Variants in DNAH9 observed in about 807,000 individuals in gnomAD.
DNAH9 encodes DNAH9 variant protein.
In DNAH9, 345 loss-of-function variants were observed where a neutral mutation model predicts 471.6. The ratio of observed to expected loss-of-function variants is 0.73; its 90% CI spans 0.67 to 0.80. The LOEUF is 0.80. Among genes scored for constraint, DNAH9 ranks in the 30% least tolerant of loss-of-function variants. DNAH9 has a pLI of 0.00. For missense variants in DNAH9, 5,407 were observed against 5,609.2 expected (o/e 0.96, Z 1.15); for synonymous variants, 2,093 against 2,123.6 (o/e 0.99, Z 0.40).
At position 11,969,356 on chromosome 17, in the gene DNAH9, G is replaced by C. The variant is rs1340439304; in HGVS notation, c.13290G>C (p.Met4430Ile). 1.9e-6 allele frequency: 3 copies of C among 1,613,956 alleles called. No homozygotes were observed. The African/African-American group carries it at 4.0e-5, about 22-fold the overall frequency. The change falls in exon 69 of 69, where the codon ATG becomes ATC. Residue 4430 changes from methionine to isoleucine, a missense_variant. By Grantham distance (10) the Met-to-Ile change is conservative. Coordinates refer to ENST00000262442, the MANE Select transcript of DNAH9 (RefSeq NM_001372.4). ...LKDLTPPMPVMFIKAIPADKQ... is the reference protein window; with the variant it reads ...LKDLTPPMPVIFIKAIPADKQ... ...ATCTGACACCCCCTATGCCTGTGAT[G>C]TTCATCAAGGCCATTCCTGCAGATA...
rs772840127 is a variant in DNAH9 at position 11,752,900 on chromosome 17, G to C, written c.6678G>C (p.Leu2226=). Residue 2226 remains leucine (L), a synonymous_variant, in exon 33 of 69, where the codon CTG becomes CTC. Coordinates refer to ENST00000262442, the MANE Select transcript of DNAH9 (RefSeq NM_001372.4). The part of the protein sequence containing the change: ...ITHDGPKWIL[L]DGDIDPMWIE... ...ATGATGGGCCCAAGTGGATTTTACT[G>C]GATGGCGACATAGATCCAATGTGGA... The C allele has an allele frequency of 6.2e-7, 1 of 1,609,348 alleles. No homozygotes were observed. Among genetic ancestry groups the C allele is most frequent in the East Asian group, 2.2e-5 (1 of 44,640 alleles).
At chr17:11,752,104 C>T (rs1967178698) in intron 32 of DNAH9, among the ~76,000 whole-genome samples, 5 of 152,070 alleles carry the variant, frequency 3.3e-5, no homozygotes, top group Admixed American at 3.3e-4. Context: ...AATAAATGAA[C>T]AGACGTACCA....
chr17:11,816,216 T>C (rs1970089588), intron 45 of DNAH9, among the ~76,000 whole-genome samples: 1 of 152,212 alleles, frequency 6.6e-6, no homozygotes, highest in Admixed American at 6.5e-5. Context: ...GTGTTTGCTG[T>C]TGATTAATTT....
chr17:11,663,508 C>A (rs1249489930), intron 14 of DNAH9, among the ~76,000 whole-genome samples: 1 of 152,196 alleles, frequency 6.6e-6, no homozygotes, highest in Non-Finnish European at 1.5e-5. Flanking sequence ...TATCCAGTTA[C>A]CCAAACCAAT....
chr17:11,758,955 C>T (rs977229380), intron 35 of DNAH9, among the ~76,000 whole-genome samples: 5 of 152,066 alleles, frequency 3.3e-5, no homozygotes, highest in Admixed American at 1.3e-4. Flanking sequence ...ATGTAATGGG[C>T]TAAAGCAGCC....
At position 11,902,895 on chromosome 17, in the gene DNAH9, G is replaced by A; in HGVS notation, c.11583G>A (p.Arg3861=). 1.2e-6 allele frequency: 2 copies of A among 1,613,456 alleles called. No homozygotes were observed. Among genetic ancestry groups the A allele is most frequent in the African/African-American group, 1.3e-5 (1 of 75,046 alleles). ...TGCTGAGAGCCATGCGGCCCGACCG[G>A]ATGACCTATGCTTTGCGGTAGGAAA... ...LCMLRAMRPD[R]MTYALRDFVE... is the part of the protein sequence containing the mutation. The change falls in exon 60 of 69, where the codon CGG becomes CGA. Residue 3861 remains arginine, a synonymous_variant. Coordinates refer to ENST00000262442, the MANE Select transcript of DNAH9 (RefSeq NM_001372.4).
intron 27 of DNAH9, among the ~76,000 whole-genome samples, chr17:11,724,927 G>A (rs11651944): frequency 0.087 from 13,294 of 152,162 alleles, 827 homozygotes; most frequent in Non-Finnish European, 0.11. Context: ...CCTTCAACTA[G>A]TTGGTTCCAA....
intron 61 of DNAH9, among the ~76,000 whole-genome samples, chr17:11,920,244 G>T (rs948834293): frequency 1.3e-5 from 2 of 151,630 alleles, no homozygotes; most frequent in Non-Finnish European, 2.9e-5. Context: ...CCATGTTGGT[G>T]AGGCTGGCCT....
At chr17:11,601,738 C>T (rs1210080736) in intron 1 of DNAH9, among the ~76,000 whole-genome samples, 2 of 152,070 alleles carry the variant, frequency 1.3e-5, no homozygotes, top group African/African-American at 4.8e-5. Context: ...ACCCCCTCTC[C>T]TCTCTCTCAG....
intron 67 of DNAH9, among the ~76,000 whole-genome samples, chr17:11,947,699 T>C (rs1425753068): frequency 3.3e-5 from 5 of 152,058 alleles, no homozygotes; most frequent in African/African-American, 1.2e-4. Flanking sequence ...TGGTTTGCAT[T>C]CTATTTCATT....
At chr17:11,847,210 T>C (rs903232304) in intron 49 of DNAH9, among the ~76,000 whole-genome samples, 3 of 152,358 alleles carry the variant, frequency 2.0e-5, no homozygotes, top group South Asian at 2.1e-4. Flanking sequence ...CTCTTTAGTT[T>C]AATTAGATCT....
chr17:11,775,343 T>C (rs1439860508), intron 38 of DNAH9, among the ~76,000 whole-genome samples: 2 of 152,144 alleles, frequency 1.3e-5, no homozygotes, highest in African/African-American at 4.8e-5. Flanking sequence ...AGAATCTACA[T>C]TGAACAATAA....
intron 6 of DNAH9, 76 bp from the exon 7 acceptor site, chr17:11,629,341 A>G (rs999786297): frequency 8.4e-7 from 1 of 1,196,756 alleles, no homozygotes. Context: ...GAGTGAGAAC[A>G]TGCGGTGTTT....
intron 51 of DNAH9, among the ~76,000 whole-genome samples, chr17:11,870,783 C>T (rs1972233923): frequency 6.6e-6 from 1 of 152,132 alleles, no homozygotes; most frequent in African/African-American, 2.4e-5. Flanking sequence ...TAGCACTCTG[C>T]TCTAGGAGTC....
chr17:11,632,623 G>T lies in DNAH9; in HGVS notation c.1555G>T (p.Val519Leu), dbSNP rs2073091148. 3 of 1,608,186 alleles carry T rather than the reference G, an allele frequency of 1.9e-6. No homozygotes were observed. The highest frequency in any genetic ancestry group is 2.2e-5 in the East Asian group (1 of 44,856). ...TGACGTCTCTGAATTTAACCAGAAA[G>T]TAGAAGATCTTGACCGAAGATTGGG... ...ENDVSEFNQK[V>L]EDLDRRLGTI... is the part of the protein sequence containing the mutation. Residue 519 changes from valine to leucine, a missense_variant, in exon 8 of 69, where the codon GTA (valine) becomes TTA (leucine). Physicochemically the swap from Val to Leu is conservative, Grantham distance 32. Around this residue, in one of 3 missense-constraint regions of DNAH9, gnomAD observed 767 missense variants for 692.5 expected, o/e 1.11. Transcript: ENST00000262442.
chr17:11,884,373 T>A (rs1008157845), intron 56 of DNAH9: 3 of 319,764 alleles, frequency 9.4e-6, no homozygotes, highest in African/African-American at 6.5e-5. Flanking sequence ...CAACCCCTGC[T>A]CTGTTCCAGC....
In DNAH9 at chr17:11,834,347, A is replaced by AAAAAG. The variant is rs1555605967; in HGVS notation, c.9247-289_9247-288insAAGAA. Among the ~76,000 whole-genome samples the AAAAAG allele has an allele frequency of 1.3e-4, 19 of 148,996 alleles. No individual in the cohort carries two copies. In the East Asian group the frequency reaches 1.3e-3, roughly 10 times the overall value. ...CCGTCTCAAAAAAAAAAAAAAAAAA[A>AAAAAG]AAGAAGAAGAAGAAATAAAAAAGAA... is the stretch of plus-strand genomic sequence containing the variant. On this transcript the variant is annotated intron_variant, in intron 48 of 68. Transcript: ENST00000262442.
intron 22 of DNAH9, among the ~76,000 whole-genome samples, chr17:11,697,337 CCT>C: frequency 6.6e-6 from 1 of 152,208 alleles, no homozygotes; most frequent in Admixed American, 6.5e-5. Flanking sequence ...ACAGTGATCA[CCT>C]CTCAATCCAT....
intron 67 of DNAH9, among the ~76,000 whole-genome samples, chr17:11,961,477 C>T (rs1347578487): frequency 1.3e-5 from 2 of 152,062 alleles, no homozygotes; most frequent in East Asian, 1.9e-4. Context: ...TAGGCGCTGG[C>T]TTCTTGGGTT....
Sources: gnomAD v4.1 joint callset for allele counts (sites outside exome capture counted in the v4.1 genomes callset) on GRCh38, gnomAD v4.1.1 for gene constraint, gnomAD v4.1.1 regional missense constraint, MANE v1.5 for transcripts, NCBI Gene and HGNC (gene_info 2026-07-23, HGNC 2026-07-21) for gene names.